SPMIP11: variants seen among roughly 807,000 people sequenced by gnomAD.
SPMIP11 encodes the protein long intergenic non-protein coding RNA 935.
chr12:48,732,087 T>C, the SPMIP11 span, among the ~76,000 whole-genome samples: 1 of 149,916 alleles, frequency 6.7e-6, no homozygotes, highest in Non-Finnish European at 1.5e-5. Flanking sequence ...AGGTGGAGGT[T>C]GCAACGAGCT....
At chr12:48,758,161 G>A in the SPMIP11 span, among the ~76,000 whole-genome samples, 7 of 152,034 alleles carry the variant, frequency 4.6e-5, no homozygotes, top group African/African-American at 7.2e-5. Flanking sequence ...GAGGGAGACC[G>A]TCTTAAAATA....
chr12:48,739,736 G>A, the SPMIP11 span, among the ~76,000 whole-genome samples: 2 of 152,106 alleles, frequency 1.3e-5, no homozygotes, highest in Non-Finnish European at 2.9e-5. Flanking sequence ...TCACTATCAC[G>A]AGAACAGCAA....
the SPMIP11 span, among the ~76,000 whole-genome samples, chr12:48,743,154 T>C: frequency 0.026 from 3,903 of 151,704 alleles, 181 homozygotes; most frequent in African/African-American, 0.089. Context: ...TCCCAACACT[T>C]TGGGAAGGTG....
the SPMIP11 span, among the ~76,000 whole-genome samples, chr12:48,763,833 G>A: frequency 6.6e-6 from 1 of 150,862 alleles, no homozygotes; most frequent in African/African-American, 2.4e-5. Flanking sequence ...CACCCCCCAC[G>A]ATGCCCTGCT....
At chr12:48,768,895 C>T in the SPMIP11 span, 52 of 1,581,090 alleles carry the variant, frequency 3.3e-5, 1 homozygote, top group Middle Eastern at 1.7e-4. Flanking sequence ...GGAAGCCCTC[C>T]GGGCCCATGT....
chr12:48,752,997 C>G, the SPMIP11 span, among the ~76,000 whole-genome samples: 2 of 152,026 alleles, frequency 1.3e-5, no homozygotes, highest in Non-Finnish European at 2.9e-5. Context: ...AGCTTCATAC[C>G]TGACACTCCT....
chr12:48,730,327 G>T, the SPMIP11 span, among the ~76,000 whole-genome samples: 1 of 152,124 alleles, frequency 6.6e-6, no homozygotes, highest in African/African-American at 2.4e-5. Context: ...TCAGAGGCAG[G>T]AGGTTTGGCC....
the SPMIP11 span, chr12:48,766,255 G>C: frequency 2.0e-5 from 3 of 152,634 alleles, no homozygotes; most frequent in African/African-American, 7.2e-5. Flanking sequence ...TGAAATACAT[G>C]GTTCACCATC....
At chr12:48,769,763 T>G in the SPMIP11 span, among the ~76,000 whole-genome samples, 63 of 149,646 alleles carry the variant, frequency 4.2e-4, no homozygotes, top group Non-Finnish European at 7.3e-4. Flanking sequence ...ATTTTTGTTT[T>G]TTTTTTTTTT....
chr12:48,737,629 G>A, the SPMIP11 span, among the ~76,000 whole-genome samples: 1 of 151,662 alleles, frequency 6.6e-6, no homozygotes, highest in Non-Finnish European at 1.5e-5. Flanking sequence ...TGGCCAGGCT[G>A]GTCTCGAACT....
chr12:48,761,447 A>G, the SPMIP11 span, among the ~76,000 whole-genome samples: 1 of 113,146 alleles, frequency 8.8e-6, no homozygotes, highest in East Asian at 3.3e-4. Flanking sequence ...CGAGACTCCA[A>G]AAAAAAAAAA....
At chr12:48,748,546 A>C in the SPMIP11 span, among the ~76,000 whole-genome samples, 1 of 150,990 alleles carries the variant, frequency 6.6e-6, no homozygotes, top group African/African-American at 2.4e-5. Context: ...ATTCATGATC[A>C]CCAAACTCAA....
the SPMIP11 span, among the ~76,000 whole-genome samples, chr12:48,757,021 C>T: frequency 2.6e-5 from 4 of 152,076 alleles, no homozygotes; most frequent in African/African-American, 9.7e-5. Flanking sequence ...GGTGATCCAT[C>T]CTCCTCGGCC....
At chr12:48,765,540 A>C in the SPMIP11 span, 5 of 700,522 alleles carry the variant, frequency 7.1e-6, no homozygotes, top group Non-Finnish European at 1.3e-5. Context: ...CTTGGGAGCT[A>C]TTTTTAAGGA....
the SPMIP11 span, among the ~76,000 whole-genome samples, chr12:48,741,654 T>A: frequency 6.6e-6 from 1 of 152,070 alleles, no homozygotes; most frequent in Non-Finnish European, 1.5e-5. Flanking sequence ...ATTCTTTTTT[T>A]TTTTTTTTTT....
chr12:48,734,438 C>T, the SPMIP11 span, among the ~76,000 whole-genome samples: 1 of 152,148 alleles, frequency 6.6e-6, no homozygotes, highest in African/African-American at 2.4e-5. Flanking sequence ...TATTGCCTTC[C>T]CATTACGACA....
the SPMIP11 span, among the ~76,000 whole-genome samples, chr12:48,757,005 A>ACCTCAGGTGATCCAT: frequency 1.3e-5 from 2 of 151,782 alleles, no homozygotes; most frequent in Non-Finnish European, 2.9e-5. Flanking sequence ...CAAACTTCTG[A>ACCTCAGGTGATCCAT]CCTCAGGTGA....
the SPMIP11 span, among the ~76,000 whole-genome samples, chr12:48,759,770 A>C: frequency 6.6e-6 from 1 of 152,006 alleles, no homozygotes; most frequent in African/African-American, 2.4e-5. Flanking sequence ...AGAGGGAGAA[A>C]GTAGACTTGG....
At chr12:48,727,617 T>C in the SPMIP11 span, 1 of 691,452 alleles carries the variant, frequency 1.4e-6, no homozygotes, top group Non-Finnish European at 2.6e-6. Context: ...AGATGCTTCA[T>C]AGCCACTTCC....
Sources: gnomAD v4.1 joint callset for allele counts (sites outside exome capture counted in the v4.1 genomes callset) on GRCh38, gnomAD v4.1.1 for gene constraint, MANE v1.5 for transcripts, NCBI Gene and HGNC (gene_info 2026-07-23, HGNC 2026-07-21) for gene names.